ADK: variants seen among roughly 807,000 people sequenced by gnomAD.
The protein encoded by ADK is N6,N6-dimethyladenosine kinase.
ADK carries 24 observed loss-of-function variants against 44.7 expected under a neutral mutation model. That is an observed-to-expected ratio of 0.54 (90% CI 0.39 to 0.76). The LOEUF (loss-of-function observed/expected upper bound fraction) is 0.76, where lower values mean the gene tolerates loss of function less well. ADK is among the 30% of genes least tolerant of loss of function. The pLI, the probability that ADK is intolerant of heterozygous loss-of-function variation, is 0.00. For missense variants in ADK, 321 were observed against 425.1 expected (o/e 0.76, Z 2.15); for synonymous variants, 128 against 142.6 (o/e 0.90, Z 0.73).
intron 10 of ADK, among the ~76,000 whole-genome samples, chr10:74,694,147 A>ATTTTTTTTTTTTTTTTTTTTTT (rs10669118): frequency 1.2e-5 from 1 of 82,304 alleles, no homozygotes. Flanking sequence ...TTTCAAACAC[A>ATTTTTTTTTTTTTTTTTTTTTT]TTTTTTTTTT....
rs56052959 is a variant in ADK, at chr10:74,312,914, C to CAAAAAAAAAAAAAAAA, written c.195-1742_195-1727dup. ...GGATGAAAAAGGAAGATTCTGTCTC[C>CAAAAAAAAAAAAAAAA]AAAAAAAAAAAAAAAAAAAAAAAAA... On this transcript the variant is annotated intron_variant, in intron 3 of 10. Transcript: ENST00000539909. 3.7e-4 allele frequency among the ~76,000 whole-genome samples: 14 copies of CAAAAAAAAAAAAAAAA among 37,828 alleles called. 3 individuals are homozygous for CAAAAAAAAAAAAAAAA. Among genetic ancestry groups the CAAAAAAAAAAAAAAAA allele is most frequent in the African/African-American group, 1.2e-3 (12 of 10,210 alleles). The allele number at this position is 37,828 out of a possible 152,430, so 24.8% of individuals were successfully genotyped here.
chr10:74,676,704 C>A (rs2134217349), intron 10 of ADK, among the ~76,000 whole-genome samples: 1 of 152,256 alleles, frequency 6.6e-6, no homozygotes, highest in South Asian at 2.1e-4. Flanking sequence ...AGCAGTCCTC[C>A]TGCCTAGGAC....
chr10:74,627,560 G>GT (rs35242280), intron 9 of ADK, among the ~76,000 whole-genome samples: 32,194 of 145,526 alleles, frequency 0.22, 3,565 homozygotes, highest in Middle Eastern at 0.28. Flanking sequence ...ATTTTGTTGA[G>GT]TTTTTTTTTT....
intron 7 of ADK, among the ~76,000 whole-genome samples, chr10:74,570,279 A>C (rs1358945058): frequency 6.6e-6 from 1 of 152,080 alleles, no homozygotes; most frequent in African/African-American, 2.4e-5. Context: ...TTCCATATGA[A>C]CTTTAAAGTA....
chr10:74,340,295 T>G (rs1312137191), intron 4 of ADK, among the ~76,000 whole-genome samples: 1 of 152,174 alleles, frequency 6.6e-6, no homozygotes, highest in African/African-American at 2.4e-5. Flanking sequence ...TTTCATTGTG[T>G]GTCTGCATTT....
At position 74,371,712 on chromosome 10, in the gene ADK, C is replaced by T. The variant is rs564152733; in HGVS notation, c.274-22429C>T. On this transcript the variant is annotated intron_variant, in intron 4 of 10. Coordinates refer to ENST00000539909, the MANE Select transcript of ADK (RefSeq NM_006721.4). ...GAAGAGGACCTGGGAGAAGCTTCTG[C>T]TGGCAGCTTGTGCCATTGTTGCCAT... is the stretch of plus-strand genomic sequence containing the variant. 4.0e-5 allele frequency: 53 copies of T among 1,321,468 alleles called. No individual in the cohort carries two copies. In the African/African-American group the frequency reaches 6.8e-4, roughly 17 times the overall value. The allele number at this position is 1,321,468 out of a possible 1,614,324, so 81.9% of individuals were successfully genotyped here.
intron 1 of ADK, among the ~76,000 whole-genome samples, chr10:74,173,328 C>T (rs929070680): frequency 6.6e-5 from 10 of 151,736 alleles, no homozygotes; most frequent in East Asian, 3.9e-4. Context: ...CTCCTGACCT[C>T]GTGATCCACC....
At chr10:74,311,168 G>A (rs1317145562) in intron 3 of ADK, among the ~76,000 whole-genome samples, 1 of 152,034 alleles carries the variant, frequency 6.6e-6, no homozygotes, top group Non-Finnish European at 1.5e-5. Context: ...TGTATATTGG[G>A]TAATTTTGTT....
At chr10:74,527,876 G>A (rs1849119499) in intron 7 of ADK, 1 of 880,110 alleles carries the variant, frequency 1.1e-6, no homozygotes, top group South Asian at 1.3e-5. Context: ...ACATACGTCA[G>A]TACAGGAAAA....
chr10:74,397,420 T>A (rs1198459638), intron 5 of ADK, among the ~76,000 whole-genome samples: 2 of 152,076 alleles, frequency 1.3e-5, no homozygotes, highest in African/African-American at 4.8e-5. Context: ...GGCAAGTAAT[T>A]TTTTAAATTC....
intron 6 of ADK, among the ~76,000 whole-genome samples, chr10:74,419,877 A>G (rs1592185202): frequency 6.6e-6 from 1 of 152,336 alleles, no homozygotes; most frequent in African/African-American, 2.4e-5. Context: ...AAAAAGAACT[A>G]TAGGAGGCAA....
chr10:74,670,144 AAG>A (rs758840772), intron 9 of ADK, 37 bp from the exon 10 acceptor site: 15 of 1,514,002 alleles, frequency 9.9e-6, no homozygotes, highest in African/African-American at 1.4e-5. Flanking sequence ...GAGTGTTACA[AAG>A]AGAAGTCATT....
chr10:74,484,069 C>T (rs1039232744), intron 6 of ADK, among the ~76,000 whole-genome samples: 14 of 152,168 alleles, frequency 9.2e-5, no homozygotes, highest in Non-Finnish European at 4.4e-5. Flanking sequence ...TACCATTTTT[C>T]CGTATTAGTT....
chr10:74,598,672 A>G (rs915385123), intron 8 of ADK, among the ~76,000 whole-genome samples: 2 of 152,000 alleles, frequency 1.3e-5, no homozygotes, highest in Non-Finnish European at 2.9e-5. Context: ...GATGGTCTTC[A>G]TCTCTCGACC....
At chr10:74,306,113 C>G (rs1380133017) in intron 3 of ADK, among the ~76,000 whole-genome samples, 1 of 151,464 alleles carries the variant, frequency 6.6e-6, no homozygotes, top group African/African-American at 2.4e-5. Context: ...TTAGTATTGT[C>G]CTATAGGTCT....
intron 7 of ADK, among the ~76,000 whole-genome samples, chr10:74,553,199 T>G (rs998812487): frequency 2.5e-5 from 3 of 120,192 alleles, no homozygotes; most frequent in Non-Finnish European, 5.2e-5. Context: ...TGTTTTTTTT[T>G]TTTTTTTTTT....
intron 9 of ADK, among the ~76,000 whole-genome samples, chr10:74,616,347 T>C (rs1443884392): frequency 6.6e-6 from 1 of 152,148 alleles, no homozygotes; most frequent in Non-Finnish European, 1.5e-5. Flanking sequence ...ACTTCTATTC[T>C]TTTACTTTTT....
chr10:74,292,938 ACT>A (rs1388169312), intron 3 of ADK, among the ~76,000 whole-genome samples: 1 of 152,080 alleles, frequency 6.6e-6, no homozygotes, highest in Non-Finnish European at 1.5e-5. Context: ...AGATAATGAC[ACT>A]CTAATAAAAA....
rs1484174164 is a variant in ADK, at chr10:74,170,793, C to G, written c.65+19450C>G. 4.2e-5 allele frequency among the ~76,000 whole-genome samples: 6 copies of G among 143,972 alleles called. No homozygotes were observed. The East Asian group carries it at 1.2e-3, about 28-fold the overall frequency. The allele number at this position is 143,972 out of a possible 152,430, so 94.5% of individuals were successfully genotyped here. A position where few individuals can be genotyped will look rare whatever the true frequency, so the allele number is the denominator to read the frequency against. The stretch of plus-strand genomic sequence containing the variant: ...CCAGCCTGGGCGACAGAGCAAGACT[C>G]CATCTCAAAAAAAAAAAAAAAAGAA... On this transcript the variant is annotated intron_variant, in intron 1 of 10. Transcript: ENST00000539909.
Sources: allele counts gnomAD v4.1 joint callset (sites outside exome capture counted in the v4.1 genomes callset), GRCh38; gene constraint gnomAD v4.1.1; transcripts MANE v1.5; gene names NCBI Gene and HGNC (gene_info 2026-07-23, HGNC 2026-07-21).